Variants in TENM4 observed in about 807,000 individuals in gnomAD.
TENM4 encodes the protein teneurin-4.
In TENM4, 82 loss-of-function variants were observed where a neutral mutation model predicts 243.3. The observed-to-expected ratio is 0.34, with a 90% CI of 0.28 to 0.40. The LOEUF (loss-of-function observed/expected upper bound fraction) is 0.40, where lower values mean the gene tolerates loss of function less well. Among genes scored for constraint, TENM4 ranks in the 10% least tolerant of loss-of-function variants. The probability of loss-of-function intolerance (pLI) is 1.00; values close to 1 mark genes in which losing one functional copy is unlikely to be tolerated. For synonymous variants in TENM4, 1,412 were observed against 1,456.3 expected (o/e 0.97, Z 0.69); for missense variants, 3,138 against 3,673.3 (o/e 0.85, Z 3.77).
intron 1 of TENM4, among the ~76,000 whole-genome samples, chr11:79,431,207 C>A (rs1254083674): frequency 1.3e-5 from 2 of 152,112 alleles, no homozygotes; most frequent in African/African-American, 4.8e-5. Flanking sequence ...TTTAAAAATA[C>A]TTTTGGGGTT....
At chr11:78,771,798 G>C (rs925226619) in intron 17 of TENM4, among the ~76,000 whole-genome samples, 13 of 152,300 alleles carry the variant, frequency 8.5e-5, no homozygotes, top group African/African-American at 3.1e-4. Context: ...AGCTGTGATC[G>C]CCATTGTGAA....
intron 3 of TENM4, among the ~76,000 whole-genome samples, chr11:79,203,269 A>G (rs1235909707): frequency 6.6e-6 from 1 of 152,226 alleles, no homozygotes; most frequent in Non-Finnish European, 1.5e-5. Flanking sequence ...ACACCTGGGT[A>G]TTTATTTGCT....
intron 1 of TENM4, among the ~76,000 whole-genome samples, chr11:79,355,241 T>C (rs958854532): frequency 2.0e-5 from 3 of 152,152 alleles, no homozygotes; most frequent in African/African-American, 7.2e-5. Context: ...GCTATAAAAC[T>C]TGAACCCTCA....
At chr11:79,334,217 G>A (rs994762931) in intron 1 of TENM4, among the ~76,000 whole-genome samples, 5 of 152,204 alleles carry the variant, frequency 3.3e-5, no homozygotes, top group African/African-American at 9.6e-5. Context: ...GCAGGTGAAT[G>A]CCTTACAGTG....
intron 1 of TENM4, among the ~76,000 whole-genome samples, chr11:79,361,982 C>T (rs1217685076): frequency 1.3e-5 from 2 of 152,118 alleles, no homozygotes; most frequent in African/African-American, 4.8e-5. Context: ...TGCCTCAACA[C>T]AGTACATATT....
At chr11:78,807,701 T>A (rs1404373144) in intron 14 of TENM4, among the ~76,000 whole-genome samples, 2 of 152,162 alleles carry the variant, frequency 1.3e-5, no homozygotes, top group Non-Finnish European at 2.9e-5. Context: ...AGGGGCAACA[T>A]GTAGCTGTTG....
intron 2 of TENM4, among the ~76,000 whole-genome samples, chr11:79,296,080 T>C (rs1476727202): frequency 1.3e-5 from 2 of 152,140 alleles, no homozygotes; most frequent in Non-Finnish European, 2.9e-5. Flanking sequence ...AAAAGCCAGA[T>C]CACTGAGGTC....
intron 6 of TENM4, among the ~76,000 whole-genome samples, chr11:78,952,414 G>A (rs1857125959): frequency 1.3e-5 from 2 of 152,222 alleles, no homozygotes; most frequent in African/African-American, 4.8e-5. Flanking sequence ...AACCCAGGGA[G>A]GGCACTAGCA....
chr11:79,410,956 TACAC>T (rs143723822), intron 1 of TENM4, among the ~76,000 whole-genome samples: 14 of 151,300 alleles, frequency 9.3e-5, no homozygotes, highest in Admixed American at 7.9e-4. Context: ...TACACACACA[TACAC>T]ACACACACAC....
At chr11:78,672,967 G>A (rs1402544559) in intron 30 of TENM4, among the ~76,000 whole-genome samples, 7 of 152,018 alleles carry the variant, frequency 4.6e-5, no homozygotes, top group Non-Finnish European at 8.8e-5. Context: ...GCCACAGTCA[G>A]TACCCAAGAC....
chr11:79,346,717 T>C (rs1175336510), intron 1 of TENM4, among the ~76,000 whole-genome samples: 2 of 152,218 alleles, frequency 1.3e-5, no homozygotes, highest in Non-Finnish European at 2.9e-5. Context: ...TTCCTTCTCC[T>C]GGTAACTTTT....
chr11:78,995,295 C>T (rs1858144283), intron 6 of TENM4, among the ~76,000 whole-genome samples: 1 of 152,128 alleles, frequency 6.6e-6, no homozygotes, highest in Non-Finnish European at 1.5e-5. Flanking sequence ...AAGGGGTTTG[C>T]ATGCCATGTC....
At chr11:79,140,402 G>A (rs1048582953) in intron 4 of TENM4, among the ~76,000 whole-genome samples, 1 of 152,062 alleles carries the variant, frequency 6.6e-6, no homozygotes, top group Non-Finnish European at 1.5e-5. Context: ...TACCTGAGTG[G>A]GTGGGGATGT....
chr11:78,885,080 A>C (rs1855521606), intron 9 of TENM4, among the ~76,000 whole-genome samples: 1 of 152,218 alleles, frequency 6.6e-6, no homozygotes, highest in African/African-American at 2.4e-5. Flanking sequence ...CATGTTTTAA[A>C]AACAATTAAA....
chr11:79,233,612 C>G (rs1366012733), intron 2 of TENM4, among the ~76,000 whole-genome samples: 2 of 152,082 alleles, frequency 1.3e-5, no homozygotes, highest in African/African-American at 4.8e-5. Flanking sequence ...GAGACACGGA[C>G]CCAGGTGTTA....
At chr11:78,825,579 C>A (rs1323151872) in intron 12 of TENM4, among the ~76,000 whole-genome samples, 1 of 152,102 alleles carries the variant, frequency 6.6e-6, no homozygotes, top group Non-Finnish European at 1.5e-5. Context: ...AAAAAACAAG[C>A]CAGAGGGGGC....
chr11:78,702,096 A>G lies in TENM4; in HGVS notation c.4517T>C (p.Val1506Ala), dbSNP rs747677047. ...QVTTSGEISL[V>A]AGAPSGCDCK... The stretch of plus-strand genomic sequence containing the variant: ...GTCACAGCCACTGGGGGCCCCAGCA[A>G]CGAGTGAGATCTCTCCACTAGTGGT... Residue 1506 changes from valine (V) to alanine (A), a missense_variant, in exon 28 of 34, where the codon GTT (valine) becomes GCT (alanine). By Grantham distance (64) the Val-to-Ala change is moderately conservative (BLOSUM62 0). Coordinates refer to ENST00000278550, the MANE Select transcript of TENM4 (RefSeq NM_001098816.3). 36 of 1,613,854 alleles carry G rather than the reference A, an allele frequency of 2.2e-5. No individual in the cohort carries two copies. Among genetic ancestry groups the G allele is most frequent in the Non-Finnish European group, 1.6e-5 (19 of 1,179,880 alleles).
rs756561721 is a variant in TENM4, at chr11:78,658,140, A to G, written c.8228T>C (p.Ile2743Thr). 5.0e-6 allele frequency: 8 copies of G among 1,613,882 alleles called. No individual in the cohort carries two copies. The East Asian group carries it at 1.8e-4, about 36-fold the overall frequency. Reference sequence around the variant, plus strand: ...CAGTTCTGGGTACTGCTCGACAGAGATCACGAAAAAGCCGTCGTAGCCTTG... The same window carrying G: ...CAGTTCTGGGTACTGCTCGACAGAGGTCACGAAAAAGCCGTCGTAGCCTTG... ...RVQGYDGFFV[I>T]SVEQYPELSD... Residue 2743 changes from isoleucine (I) to threonine (T), a missense_variant, in exon 34 of 34, where the codon ATC (isoleucine) becomes ACC (threonine). Ile to Thr is a moderately conservative substitution (Grantham distance 89, BLOSUM62 -1). This residue lies in a region of TENM4 where 2,467 missense variants were observed against 3,059.1 expected (regional missense o/e 0.81). Coordinates refer to ENST00000278550, the MANE Select transcript of TENM4 (RefSeq NM_001098816.3).
At chr11:79,230,137 C>T (rs1388155015) in intron 2 of TENM4, among the ~76,000 whole-genome samples, 1 of 152,044 alleles carries the variant, frequency 6.6e-6, no homozygotes, top group African/African-American at 2.4e-5. Flanking sequence ...GATATAGATC[C>T]TGTTTAATGA....
Sources: gnomAD v4.1 joint callset for allele counts (sites outside exome capture counted in the v4.1 genomes callset) on GRCh38, gnomAD v4.1.1 for gene constraint, gnomAD v4.1.1 regional missense constraint, MANE v1.5 for transcripts, NCBI Gene and HGNC (gene_info 2026-07-23, HGNC 2026-07-21) for gene names.